Variants in ZNF676 observed in about 807,000 individuals in gnomAD.
ZNF676 encodes zinc finger protein 676.
In ZNF676, 4 loss-of-function variants were observed where a neutral mutation model predicts 6.0. That is an observed-to-expected ratio of 0.67 (90% CI 0.33 to 1.53). The LOEUF is 1.53. Ranked by LOEUF, ZNF676 falls within the 40% of genes most tolerant of loss-of-function variation. The pLI is 0.06. For missense variants in ZNF676, 644 were observed against 679.7 expected (o/e 0.95, Z 0.58); for synonymous variants, 198 against 223.1 (o/e 0.89, Z 1.00).
Position 22,179,694 on chromosome 19 carries a change from G to C in ZNF676, c.*256C>G. The C allele has an allele frequency of 1.5e-6, 1 of 684,292 alleles. No homozygotes were observed. Among genetic ancestry groups the C allele is most frequent in the East Asian group, 2.8e-5 (1 of 36,230 alleles). 42.4% of individuals were successfully genotyped at this position (684,292 alleles called of 1,614,324 possible). A position where few individuals can be genotyped will look rare whatever the true frequency, so the allele number is the denominator to read the frequency against. ...AGTTGAAGTCTTTATCACATTCTTC[G>C]CATTTGTAGGGTTTCTCTCCAGTAT... On this transcript the variant is annotated 3_prime_UTR_variant, in exon 3 of 3. Coordinates refer to ENST00000397121, the MANE Select transcript of ZNF676 (RefSeq NM_001001411.3).
chr19:22,244,026 T>A, the ZNF676 span: 2 of 147,176 alleles, frequency 1.4e-5, no homozygotes, highest in African/African-American at 5.0e-5. Context: ...TTGGTAATTC[T>A]TTCTTTCTTC....
At chr19:22,216,935 A>T (rs1416041071), upstream of ZNF676, among the ~76,000 whole-genome samples, 3 of 47,614 alleles carry the variant, frequency 6.3e-5, no homozygotes, top group African/African-American at 4.3e-4. Context: ...GACTCTTTCT[A>T]AAAAAAAAAA....
chr19:22,203,795 T>C (rs1410976717), intron 1 of ZNF676: 1 of 152,326 alleles, frequency 6.6e-6, no homozygotes, highest in African/African-American at 2.4e-5. Flanking sequence ...GGTTTCACCA[T>C]GTTGTCCAGG....
At chr19:22,222,940 C>T in the ZNF676 span, among the ~76,000 whole-genome samples, 16 of 152,242 alleles carry the variant, frequency 1.1e-4, no homozygotes, top group Middle Eastern at 6.8e-3. Context: ...TGCCTTTCAC[C>T]AAGTACTAGA....
chr19:22,251,083 C>G, the ZNF676 span, among the ~76,000 whole-genome samples: 1 of 152,160 alleles, frequency 6.6e-6, no homozygotes, highest in Non-Finnish European at 1.5e-5. Context: ...GAAATTCACC[C>G]AACTCACAGG....
intron 2 of ZNF676, among the ~76,000 whole-genome samples, chr19:22,185,795 C>A (rs2023830298): frequency 6.6e-6 from 1 of 152,018 alleles, no homozygotes; most frequent in African/African-American, 2.4e-5. Context: ...GATTGAAGAT[C>A]AGCTTAATGA....
the ZNF676 span, among the ~76,000 whole-genome samples, chr19:22,237,347 T>C: frequency 6.6e-6 from 1 of 152,272 alleles, no homozygotes; most frequent in African/African-American, 2.4e-5. Flanking sequence ...TCCAAATAAA[T>C]AAATTCAGCC....
the ZNF676 span, among the ~76,000 whole-genome samples, chr19:22,236,464 T>C: frequency 6.6e-6 from 1 of 152,314 alleles, no homozygotes; most frequent in East Asian, 1.9e-4. Context: ...CAGTGTTTAA[T>C]AGTCCCCAAA....
the ZNF676 span, among the ~76,000 whole-genome samples, chr19:22,255,528 C>T: frequency 1.4e-4 from 22 of 152,272 alleles, 1 homozygote; most frequent in South Asian, 4.3e-3. Context: ...AGAGCCCTCA[C>T]TTTCCTATGA....
chr19:22,187,665 C>T (rs975850763), intron 2 of ZNF676, among the ~76,000 whole-genome samples: 1 of 149,356 alleles, frequency 6.7e-6, no homozygotes, highest in Non-Finnish European at 1.5e-5. Flanking sequence ...CAAATAGATG[C>T]AATCAAAAAT....
upstream of ZNF676, among the ~76,000 whole-genome samples, chr19:22,200,285 T>C (rs969603084): frequency 1.2e-4 from 19 of 152,010 alleles, no homozygotes; most frequent in Non-Finnish European, 2.8e-4. Context: ...AAAATAAGTA[T>C]TCTTAGCAGG....
intron 2 of ZNF676, among the ~76,000 whole-genome samples, chr19:22,186,950 C>T (rs368217430): frequency 1.3e-5 from 2 of 152,130 alleles, no homozygotes; most frequent in African/African-American, 4.8e-5. Flanking sequence ...TTTAACACCC[C>T]ACTGTCAATA....
intron 2 of ZNF676, 34 bp from the exon 3 acceptor site, chr19:22,181,620 A>G: frequency 6.9e-7 from 1 of 1,445,364 alleles, no homozygotes. Context: ...ATTAATCTAC[A>G]TATTAGACTC....
chr19:22,209,430 TTATTTA>T (rs2024108724), intron 1 of ZNF676, among the ~76,000 whole-genome samples: 1 of 151,732 alleles, frequency 6.6e-6, no homozygotes, highest in Non-Finnish European at 1.5e-5. Flanking sequence ...ATGCATGTTA[TTATTTA>T]TAAGTAAGAG....
chr19:22,212,493 A>G (rs2024139559), intron 1 of ZNF676, among the ~76,000 whole-genome samples: 2 of 151,460 alleles, frequency 1.3e-5, no homozygotes, highest in Admixed American at 1.3e-4. Context: ...TTGAGGTCAG[A>G]ATTTTGAGCT....
the ZNF676 span, among the ~76,000 whole-genome samples, chr19:22,235,152 GA>G: frequency 6.8e-6 from 1 of 147,966 alleles, no homozygotes; most frequent in Admixed American, 6.8e-5. Flanking sequence ...AGGAAGGAAG[GA>G]AAGAAAGAAA....
At chr19:22,240,736 G>A in the ZNF676 span, among the ~76,000 whole-genome samples, 3 of 151,898 alleles carry the variant, frequency 2.0e-5, no homozygotes, top group African/African-American at 7.3e-5. Context: ...AGTTTTCAGT[G>A]AAACAAGATC....
At chr19:22,244,366 C>G in the ZNF676 span, 32 of 152,184 alleles carry the variant, frequency 2.1e-4, no homozygotes, top group African/African-American at 7.7e-4. Flanking sequence ...TTATGACATT[C>G]ATACAAAGAG....
chr19:22,197,290 C>A (rs1336806063), upstream of ZNF676, among the ~76,000 whole-genome samples: 4 of 148,416 alleles, frequency 2.7e-5, no homozygotes, highest in African/African-American at 1.0e-4. Flanking sequence ...TGCACTCTAG[C>A]TTGGGCAACA....
Sources: allele counts gnomAD v4.1 joint callset (sites outside exome capture counted in the v4.1 genomes callset), GRCh38; gene constraint gnomAD v4.1.1; transcripts MANE v1.5; gene names NCBI Gene and HGNC (gene_info 2026-07-23, HGNC 2026-07-21).